The following PPARGC1A variants were observed in gnomAD, a reference collection of about 807,000 sequenced individuals.
The protein encoded by PPARGC1A is peroxisome proliferator-activated receptor gamma coactivator 1-alpha.
Under a neutral mutation model 88.7 loss-of-function variants are expected in PPARGC1A, and 25 were observed. That is an observed-to-expected ratio of 0.28 (90% CI 0.21 to 0.39). PPARGC1A has a LOEUF of 0.39. Among genes scored for constraint, PPARGC1A ranks in the 10% least tolerant of loss-of-function variants. The probability of loss-of-function intolerance (pLI) is 1.00; values close to 1 mark genes in which losing one functional copy is unlikely to be tolerated. For missense variants in PPARGC1A, 880 were observed against 968.7 expected, an observed-to-expected ratio of 0.91 and a Z score of 1.22; for synonymous variants, 363 against 355.6, an observed-to-expected ratio of 1.02 and a Z score of -0.24.
chr4:23,906,761 T>A (rs753227544), upstream of PPARGC1A, among the ~76,000 whole-genome samples: 1 of 152,130 alleles, frequency 6.6e-6, no homozygotes, highest in Non-Finnish European at 1.5e-5. Flanking sequence ...GTCCAACAGA[T>A]ATTTTGCAGC....
the PPARGC1A span, among the ~76,000 whole-genome samples, chr4:24,312,588 TC>T: frequency 2.9e-5 from 4 of 136,806 alleles, no homozygotes; most frequent in South Asian, 9.4e-4. Flanking sequence ...ATGAATATAG[TC>T]ACCCTAAAAA....
the PPARGC1A span, among the ~76,000 whole-genome samples, chr4:24,310,191 G>T: frequency 6.6e-6 from 1 of 152,136 alleles, no homozygotes; most frequent in Non-Finnish European, 1.5e-5. Flanking sequence ...TTCCAGGTTG[G>T]AGTTGAAAAT....
chr4:24,171,560 A>G, the PPARGC1A span, among the ~76,000 whole-genome samples: 1 of 152,158 alleles, frequency 6.6e-6, no homozygotes, highest in African/African-American at 2.4e-5. Context: ...AACGGACTCC[A>G]TGAGATTAGG....
At chr4:24,337,557 G>T in the PPARGC1A span, among the ~76,000 whole-genome samples, 1 of 152,086 alleles carries the variant, frequency 6.6e-6, no homozygotes, top group African/African-American at 2.4e-5. Flanking sequence ...CCTACTGAGC[G>T]TGGGGAGATG....
At chr4:23,884,958 A>C in intron 1 of PPARGC1A, 27 bp from the exon 2 acceptor site, 1 of 1,517,574 alleles carries the variant, frequency 6.6e-7, no homozygotes, top group East Asian at 2.3e-5. Flanking sequence ...AAAAAAATTT[A>C]AAAAAGCTTC....
chr4:23,809,465 A>G lies in PPARGC1A; in HGVS notation c.2019+3282T>C, dbSNP rs185446795. On this transcript the variant is annotated intron_variant, in intron 10 of 12. Coordinates refer to ENST00000264867, the MANE Select transcript of PPARGC1A (RefSeq NM_013261.5). The stretch of plus-strand genomic sequence containing the variant: ...GTCTCAGTGTTCCAATTAAACGACT[A>G]GTAGTTTCTCAATATACCTTATTCT... Among the ~76,000 whole-genome samples, 4 of 152,264 alleles carry G rather than the reference A, an allele frequency of 2.6e-5. No individual in the cohort carries two copies. The East Asian group carries it at 7.7e-4, about 29-fold the overall frequency.
chr4:24,469,645 G>A, the PPARGC1A span, among the ~76,000 whole-genome samples: 1 of 152,130 alleles, frequency 6.6e-6, no homozygotes, highest in African/African-American at 2.4e-5. Context: ...AGAGAGCAGA[G>A]CCAGCTGCTT....
upstream of PPARGC1A, among the ~76,000 whole-genome samples, chr4:23,893,714 C>A (rs950447197): frequency 2.0e-5 from 3 of 152,114 alleles, no homozygotes; most frequent in Non-Finnish European, 2.9e-5. Flanking sequence ...CTCTCTTACA[C>A]ACAGCAGAAA....
At chr4:24,371,526 A>G in the PPARGC1A span, among the ~76,000 whole-genome samples, 1 of 152,178 alleles carries the variant, frequency 6.6e-6, no homozygotes, top group South Asian at 2.1e-4. Flanking sequence ...AAGAGCTGAC[A>G]GAATATCTCC....
At chr4:24,259,502 T>C in the PPARGC1A span, among the ~76,000 whole-genome samples, 2 of 152,200 alleles carry the variant, frequency 1.3e-5, no homozygotes, top group African/African-American at 4.8e-5. Flanking sequence ...CAACCACATA[T>C]ATGAGGTGGT....
chr4:23,797,908 C>CA (rs981186212), intron 12 of PPARGC1A, among the ~76,000 whole-genome samples: 2 of 152,176 alleles, frequency 1.3e-5, no homozygotes, highest in Non-Finnish European at 2.9e-5. Context: ...CGTACACATC[C>CA]AGATGGCCGG....
chr4:23,914,767 T>C, the PPARGC1A span, among the ~76,000 whole-genome samples: 8 of 152,330 alleles, frequency 5.3e-5, no homozygotes, highest in East Asian at 1.2e-3. Context: ...TGTCAGTCAA[T>C]ATCAAGATGT....
At chr4:24,304,053 T>A in the PPARGC1A span, among the ~76,000 whole-genome samples, 2 of 152,278 alleles carry the variant, frequency 1.3e-5, no homozygotes, top group Middle Eastern at 6.8e-3. Flanking sequence ...AAGGAGAATC[T>A]CGAAAGACAA....
the PPARGC1A span, among the ~76,000 whole-genome samples, chr4:24,359,140 T>A: frequency 9.2e-5 from 14 of 152,192 alleles, no homozygotes; most frequent in Admixed American, 3.3e-4. Context: ...CCAGTGTCAA[T>A]GTTGAGGGCT....
chr4:24,434,367 A>C, the PPARGC1A span, among the ~76,000 whole-genome samples: 3 of 152,274 alleles, frequency 2.0e-5, no homozygotes, highest in South Asian at 6.2e-4. Flanking sequence ...TGTGACTCTG[A>C]GTGTCACAGC....
chr4:23,854,012 C>T (rs528475068), intron 2 of PPARGC1A, among the ~76,000 whole-genome samples: 14 of 152,216 alleles, frequency 9.2e-5, no homozygotes, highest in East Asian at 3.9e-4. Context: ...TTAAATGAAA[C>T]GTATAAAGTG....
the PPARGC1A span, among the ~76,000 whole-genome samples, chr4:23,922,900 T>TGG: frequency 6.6e-6 from 1 of 152,162 alleles, no homozygotes; most frequent in Non-Finnish European, 1.5e-5. Context: ...CCATTTCAAC[T>TGG]GGGGGCCACT....
chr4:23,824,514 G>GAAA lies in PPARGC1A; in HGVS notation c.758-9_758-7dup. ...AGATAAAGTTGTTGGTTTGGCTAAA[G>GAAA]AAAAAAAAAAGAAACTAATTATGTA... On this transcript the variant is annotated splice_polypyrimidine_tract_variant and splice_region_variant and intron_variant, in intron 5 of 12. Coordinates refer to ENST00000264867, the MANE Select transcript of PPARGC1A (RefSeq NM_013261.5). 2 of 1,430,806 alleles carry GAAA rather than the reference G, an allele frequency of 1.4e-6. No individual in the cohort carries two copies. Among genetic ancestry groups the GAAA allele is most frequent in the Non-Finnish European group, 9.4e-7 (1 of 1,058,306 alleles). 88.6% of individuals were successfully genotyped at this position (1,430,806 alleles called of 1,614,324 possible). A position where few individuals can be genotyped will look rare whatever the true frequency, so the allele number is the denominator to read the frequency against.
the PPARGC1A span, among the ~76,000 whole-genome samples, chr4:24,419,987 GA>G: frequency 6.6e-6 from 1 of 152,144 alleles, no homozygotes; most frequent in Non-Finnish European, 1.5e-5. Flanking sequence ...AAAGAAAAGT[GA>G]AAAATAGGCT....
Sources: gnomAD v4.1 joint callset for allele counts (sites outside exome capture counted in the v4.1 genomes callset) on GRCh38, gnomAD v4.1.1 for gene constraint, MANE v1.5 for transcripts, NCBI Gene and HGNC (gene_info 2026-07-23, HGNC 2026-07-21) for gene names.